Variants in NT5DC1 observed in about 807,000 individuals in gnomAD.
The protein encoded by NT5DC1 is 5'-nucleotidase domain containing 1.
Under a neutral mutation model 59.4 loss-of-function variants are expected in NT5DC1, and 42 were observed. That is an observed-to-expected ratio of 0.71 (90% CI 0.55 to 0.92). The LOEUF (loss-of-function observed/expected upper bound fraction) is 0.92. NT5DC1 is among the 40% of genes least tolerant of loss of function. NT5DC1 has a pLI of 0.00. For synonymous variants in NT5DC1, 172 were observed against 188.1 expected, an observed-to-expected ratio of 0.91 and a Z score of 0.70; for missense variants, 501 against 537.1, an observed-to-expected ratio of 0.93 and a Z score of 0.66.
intron 6 of NT5DC1, among the ~76,000 whole-genome samples, chr6:116,210,849 A>G (rs1781562401): frequency 6.6e-6 from 1 of 152,062 alleles, no homozygotes; most frequent in South Asian, 2.1e-4. Flanking sequence ...ACAGAGTTAG[A>G]TATGAACAGA....
At chr6:116,114,885 G>C (rs534602712) in intron 4 of NT5DC1, among the ~76,000 whole-genome samples, 2 of 152,308 alleles carry the variant, frequency 1.3e-5, no homozygotes, top group South Asian at 2.1e-4. Flanking sequence ...TGTGAAGTTT[G>C]CCACATGGGC....
chr6:116,238,089 C>T, intron 9 of NT5DC1, 98 bp from the exon 10 acceptor site: 4 of 805,500 alleles, frequency 5.0e-6, no homozygotes, highest in East Asian at 2.6e-5. Flanking sequence ...GATTGTCATA[C>T]TCTGATGCCT....
chr6:116,230,173 T>A (rs1389156533), intron 8 of NT5DC1, among the ~76,000 whole-genome samples: 1 of 152,032 alleles, frequency 6.6e-6, no homozygotes, highest in Non-Finnish European at 1.5e-5. Context: ...CTCCCCAACC[T>A]CTCTTCACTT....
intron 6 of NT5DC1, among the ~76,000 whole-genome samples, chr6:116,189,374 T>A (rs955668072): frequency 2.0e-5 from 3 of 151,958 alleles, no homozygotes; most frequent in African/African-American, 7.2e-5. Flanking sequence ...TTGCAGTATA[T>A]TTACATTTAT....
intron 6 of NT5DC1, among the ~76,000 whole-genome samples, chr6:116,183,127 G>C (rs1459664978): frequency 1.3e-5 from 2 of 152,044 alleles, no homozygotes. Flanking sequence ...TTGTTGAATA[G>C]GGTATCCTTT....
At chr6:116,158,341 TCTC>T (rs985114074) in intron 6 of NT5DC1, among the ~76,000 whole-genome samples, 1 of 151,902 alleles carries the variant, frequency 6.6e-6, no homozygotes, top group Non-Finnish European at 1.5e-5. Flanking sequence ...TCTGTTTAAA[TCTC>T]CTACTCAAGC....
intron 6 of NT5DC1, 176 bp downstream of exon 6, chr6:116,118,121 C>G: frequency 1.6e-6 from 1 of 639,034 alleles, no homozygotes; most frequent in Admixed American, 2.5e-5. Context: ...ATTTGTGCTT[C>G]TTTCATGGCT....
intron 6 of NT5DC1, among the ~76,000 whole-genome samples, chr6:116,127,943 C>T (rs1291183228): frequency 6.6e-6 from 1 of 152,018 alleles, no homozygotes; most frequent in South Asian, 2.1e-4. Flanking sequence ...TGTTTTTTAT[C>T]AACACAATGA....
rs761718922 is a variant in NT5DC1, at chr6:116,163,141, A to AAAAAAAAAAAAT, written c.529+45197_529+45198insAAAAAAAAAATA. Among the ~76,000 whole-genome samples, 46 of 88,392 alleles carry AAAAAAAAAAAAT rather than the reference A, an allele frequency of 5.2e-4. 1 individual carries two copies. Among genetic ancestry groups the AAAAAAAAAAAAT allele is most frequent in the Non-Finnish European group, 6.6e-4 (33 of 50,030 alleles). The allele number at this position is 88,392 out of a possible 152,430, so 58.0% of individuals were successfully genotyped here. Reference sequence around the variant, plus strand: ...GACTCCGTCTCAAAAAAAAAAAAAAAATATATATATATATATATATATTAG... The same window carrying AAAAAAAAAAAAT: ...GACTCCGTCTCAAAAAAAAAAAAAAAAAAAAAAAAAATATATATATATATATATATATATTAG... On this transcript the variant is annotated intron_variant, in intron 6 of 11. Coordinates refer to ENST00000319550, the MANE Select transcript of NT5DC1 (RefSeq NM_152729.3).
At chr6:116,142,944 A>G (rs1779801699) in intron 6 of NT5DC1, among the ~76,000 whole-genome samples, 1 of 152,208 alleles carries the variant, frequency 6.6e-6, no homozygotes, top group Non-Finnish European at 1.5e-5. Context: ...ATCTGGATTA[A>G]CTATTCTCTG....
chr6:116,145,493 T>G (rs544611938), intron 6 of NT5DC1: 59 of 370,082 alleles, frequency 1.6e-4, no homozygotes, highest in Non-Finnish European at 3.4e-4. Flanking sequence ...TCATACTTAT[T>G]TAAGAGATTA....
Position 116,173,790 on chromosome 6 carries a change from T to C in NT5DC1, c.530-47264T>C, listed in dbSNP as rs541167423. 2.6e-5 allele frequency among the ~76,000 whole-genome samples: 4 copies of C among 152,342 alleles called. No homozygotes were observed. The South Asian group carries it at 8.3e-4, about 32-fold the overall frequency. ...GAATATCACCCTAATGTTCACATCT[T>C]ACATTATTATGGTACCTTTGTCACA... On this transcript the variant is annotated intron_variant, in intron 6 of 11. Transcript: ENST00000319550.
At chr6:116,140,635 T>C (rs1243849872) in intron 6 of NT5DC1, among the ~76,000 whole-genome samples, 1 of 152,176 alleles carries the variant, frequency 6.6e-6, no homozygotes, top group Non-Finnish European at 1.5e-5. Context: ...ATGCTGAGTC[T>C]TATTCCCTCT....
At chr6:116,120,789 C>G in intron 6 of NT5DC1, 1 of 1,613,608 alleles carries the variant, frequency 6.2e-7, no homozygotes. Context: ...CCAGGGGCAC[C>G]TCTTGGGCCA....
rs772503457 is a variant in NT5DC1, at chr6:116,249,326, T to G, written c.*5302T>G. The G allele has an allele frequency of 1.3e-5, 2 of 152,256 alleles. No homozygotes were observed. The highest frequency in any genetic ancestry group is 2.9e-5 in the Non-Finnish European group (2 of 68,042). 9.4% of individuals were successfully genotyped at this position (152,256 alleles called of 1,614,324 possible). A position where few individuals can be genotyped will look rare whatever the true frequency, so the allele number is the denominator to read the frequency against. ...GAAATTTTGGGCCATTTTTGTCAAA[T>G]TTTTGCTTAGATGGCTACAAATACT... On this transcript the variant is annotated 3_prime_UTR_variant, in exon 12 of 12. Coordinates refer to ENST00000319550, the MANE Select transcript of NT5DC1 (RefSeq NM_152729.3).
intron 6 of NT5DC1, among the ~76,000 whole-genome samples, chr6:116,162,004 T>C (rs546011011): frequency 6.6e-6 from 1 of 152,340 alleles, no homozygotes; most frequent in African/African-American, 2.4e-5. Flanking sequence ...CCATCTTAAA[T>C]GTATTCCTAG....
intron 6 of NT5DC1, chr6:116,121,199 A>G (rs1342235459): frequency 6.2e-7 from 1 of 1,613,310 alleles, no homozygotes; most frequent in African/African-American, 1.3e-5. Context: ...TTCTCCCTTC[A>G]GGCCTGGCAA....
chr6:116,120,281 A>G (rs202216786), intron 6 of NT5DC1: 30 of 1,614,204 alleles, frequency 1.9e-5, no homozygotes, highest in Non-Finnish European at 2.4e-5. Context: ...ATACAGGCCT[A>G]CCCAAACATG....
At chr6:116,226,949 A>G (rs966765351) in intron 8 of NT5DC1, among the ~76,000 whole-genome samples, 8 of 152,146 alleles carry the variant, frequency 5.3e-5, no homozygotes, top group Non-Finnish European at 1.2e-4. Flanking sequence ...TTAAATAGGT[A>G]TTACCTCACA....
Sources: gnomAD v4.1 joint callset for allele counts (sites outside exome capture counted in the v4.1 genomes callset) on GRCh38, gnomAD v4.1.1 for gene constraint, MANE v1.5 for transcripts, NCBI Gene and HGNC (gene_info 2026-07-23, HGNC 2026-07-21) for gene names.